Variants in RNF207 observed in about 807,000 individuals in gnomAD.
RNF207 encodes the protein OTTHUMG00000001089.
RNF207 carries 72 observed loss-of-function variants against 79.0 expected under a neutral mutation model. The observed-to-expected ratio is 0.91, with a 90% CI of 0.75 to 1.11. RNF207 has a LOEUF of 1.11. Ranked by LOEUF, RNF207 falls within the 50% of genes least tolerant of loss-of-function variation. The pLI is 0.00. For synonymous variants in RNF207, 348 were observed against 366.2 expected, an observed-to-expected ratio of 0.95 and a Z score of 0.57; for missense variants, 936 against 855.8, an observed-to-expected ratio of 1.09 and a Z score of -1.17.
In RNF207 at chr1:6,212,666, A is replaced by T. The variant is rs1463296704; in HGVS notation, c.1483-16A>T. 6.2e-7 allele frequency: 1 copy of T among 1,611,656 alleles called. No individual in the cohort carries two copies. Among genetic ancestry groups the T allele is most frequent in the East Asian group, 2.2e-5 (1 of 44,864 alleles). Reference sequence around the variant, plus strand: ...CAGCTCACTGCCACATCCAATGTCCAGCTTTTCTCTTTCAGATTTGGGAGG... The same window carrying T: ...CAGCTCACTGCCACATCCAATGTCCTGCTTTTCTCTTTCAGATTTGGGAGG... On this transcript the variant is annotated splice_polypyrimidine_tract_variant and intron_variant, in intron 14 of 17. Coordinates refer to ENST00000377939, the MANE Select transcript of RNF207 (RefSeq NM_207396.3).
Position 6,212,283 on chromosome 1 carries a change from G to C in RNF207, c.1349G>C (p.Arg450Pro). The change falls in exon 14 of 18, where the codon CGA (arginine) becomes CCA (proline). Residue 450 changes from arginine (R) to proline (P), a missense_variant. Transcript: ENST00000377939. ...AAGGACCAGGTACAGGAGCTGCACC[G>C]AGACCTCACCAAGCACCACTCGCTC... ...SLKDQVQELHRDLTKHHSLIK... is the reference protein window; with the variant it reads ...SLKDQVQELHPDLTKHHSLIK... The C allele has an allele frequency of 6.2e-7, 1 of 1,612,946 alleles. No homozygotes were observed. Among genetic ancestry groups the C allele is most frequent in the Non-Finnish European group, 8.5e-7 (1 of 1,179,632 alleles).
rs946774172 is a variant in RNF207, at chr1:6,217,882, T to TC, written c.1653-403dup. 6.6e-6 allele frequency among the ~76,000 whole-genome samples: 1 copy of TC among 152,062 alleles called. No homozygotes were observed. The highest frequency in any genetic ancestry group is 1.5e-5 in the Non-Finnish European group (1 of 68,016). On this transcript the variant is annotated intron_variant, in intron 16 of 17. Transcript: ENST00000377939. The surrounding 1 kb of genome is among the most constrained non-coding windows in gnomAD (Gnocchi z 4.2). The stretch of plus-strand genomic sequence containing the variant: ...ACCCTAGTCACAATGCCCTTTCAGT[T>TC]CCCCAAAAAAGCTAGACTGGTCCCA...
Position 6,219,417 on chromosome 1 carries a change from C to T in RNF207, c.*10C>T, listed in dbSNP as rs751362231. ...GGAACACCCGACTTAGCAAATGGGACCGGTCCCCAGGGTCAGGCTCTTAGA... is the reference window on the plus strand; with the variant it reads ...GGAACACCCGACTTAGCAAATGGGATCGGTCCCCAGGGTCAGGCTCTTAGA... On this transcript the variant is annotated 3_prime_UTR_variant, in exon 18 of 18. Coordinates refer to ENST00000377939, the MANE Select transcript of RNF207 (RefSeq NM_207396.3). 1.9e-6 allele frequency: 3 copies of T among 1,590,862 alleles called. No individual in the cohort carries two copies. The highest frequency in any genetic ancestry group is 2.2e-5 in the East Asian group (1 of 44,570).
chr1:6,209,884 C>T (rs1668085379), intron 7 of RNF207, 40 bp from the exon 8 acceptor site: 5 of 1,556,490 alleles, frequency 3.2e-6, no homozygotes, highest in Non-Finnish European at 4.3e-6. Flanking sequence ...GGTGGCAGGG[C>T]TGGGGCGCAA....
At chr1:6,216,499 C>G (rs1473881816) in intron 16 of RNF207, among the ~76,000 whole-genome samples, 2 of 152,164 alleles carry the variant, frequency 1.3e-5, no homozygotes, top group African/African-American at 4.8e-5. Context: ...AGCGAGCCCT[C>G]CCGTAGGTCC....
At chr1:6,218,397 G>A in intron 17 of RNF207, 28 bp downstream of exon 17, 1 of 1,523,594 alleles carries the variant, frequency 6.6e-7, no homozygotes, top group Non-Finnish European at 9.1e-7. Context: ...ACTGGAGAGT[G>A]TGCACGCGAT....
In RNF207 at chr1:6,219,282, C is replaced by T; in HGVS notation, c.1780C>T (p.Pro594Ser). ...VPEKREKTSEPKGNSWAPNGL... is the reference protein window; with the variant it reads ...VPEKREKTSESKGNSWAPNGL... ...GGAAAAGAGAGAGAAGACATCAGAG[C>T]CTAAAGGAAACAGCTGGGCTCCGAA... The change falls in exon 18 of 18, where the codon CCT becomes TCT. Residue 594 changes from proline to serine, a missense_variant. Coordinates refer to ENST00000377939, the MANE Select transcript of RNF207 (RefSeq NM_207396.3). 6.2e-7 allele frequency: 1 copy of T among 1,613,464 alleles called. No individual in the cohort carries two copies. Among genetic ancestry groups the T allele is most frequent in the South Asian group, 1.1e-5 (1 of 91,002 alleles).
chr1:6,214,630 CTTTTTT>C (rs144139448), intron 16 of RNF207, among the ~76,000 whole-genome samples: 17 of 70,662 alleles, frequency 2.4e-4, no homozygotes, highest in Middle Eastern at 9.4e-3. Context: ...ATATTTCTTT[CTTTTTT>C]TTTTTTTTTT....
rs1667911742 is a variant in RNF207 at position 6,206,594 on chromosome 1, T to C, written c.59T>C (p.Ile20Thr). The change falls in exon 2 of 18, where the codon ATC (isoleucine) becomes ACC (threonine). Residue 20 changes from isoleucine (I) to threonine (T), a missense_variant. By Grantham distance (89) the Ile-to-Thr change is moderately conservative. Coordinates refer to ENST00000377939, the MANE Select transcript of RNF207 (RefSeq NM_207396.3). Reference sequence around the variant, plus strand: ...CCGAGCTCCCTGGATGCCCCGAGCATCCACCCGCTGGTGTGCCCGCTGTGC... The same window carrying C: ...CCGAGCTCCCTGGATGCCCCGAGCACCCACCCGCTGGTGTGCCCGCTGTGC... ...EGPSSLDAPS[I>T]HPLVCPLCHV... The C allele has an allele frequency of 2.5e-6, 4 of 1,604,886 alleles. No homozygotes were observed. Among genetic ancestry groups the C allele is most frequent in the Non-Finnish European group, 3.4e-6 (4 of 1,179,616 alleles).
rs750060950 is a variant in RNF207 at position 6,207,746 on chromosome 1, G to A, written c.324+235G>A. On this transcript the variant is annotated intron_variant, in intron 3 of 17. Coordinates refer to ENST00000377939, the MANE Select transcript of RNF207 (RefSeq NM_207396.3). This position sits in a 1 kb window ranked among gnomAD's most constrained non-coding sequence, Gnocchi z 4.5. ...ACAGTGGCAGAGGCTAAGGCCATTC[G>A]ATCTGGGGAGAGCTCACTGGTCCCC... The A allele has an allele frequency of 1.0e-5, 7 of 684,588 alleles. No individual in the cohort carries two copies. Among genetic ancestry groups the A allele is most frequent in the Non-Finnish European group, 1.6e-5 (6 of 374,378 alleles). The allele number at this position is 684,588 out of a possible 1,614,324, so 42.4% of individuals were successfully genotyped here. A position where few individuals can be genotyped will look rare whatever the true frequency, so the allele number is the denominator to read the frequency against.
Position 6,219,489 on chromosome 1 carries a change from G to T in RNF207, c.*82G>T, listed in dbSNP as rs1249753408. 7 of 1,067,840 alleles carry T rather than the reference G, an allele frequency of 6.6e-6. No individual in the cohort carries two copies. The highest frequency in any genetic ancestry group is 2.6e-5 in the East Asian group (1 of 38,808). 66.1% of individuals were successfully genotyped at this position (1,067,840 alleles called of 1,614,324 possible). A position where few individuals can be genotyped will look rare whatever the true frequency, so the allele number is the denominator to read the frequency against. ...TGGACAGAAGGTTGTTCCCATGATG[G>T]TTTTTTTTATTTTTTATTTTTGAGA... On this transcript the variant is annotated 3_prime_UTR_variant, in exon 18 of 18. Transcript: ENST00000377939.
At chr1:6,214,413 T>TTG (rs1668287744) in intron 16 of RNF207, among the ~76,000 whole-genome samples, 1 of 152,008 alleles carries the variant, frequency 6.6e-6, no homozygotes, top group African/African-American at 2.4e-5. Context: ...TTTTTTTTTT[T>TTG]TCTTTTTGAG....
In RNF207 at chr1:6,207,805, G is replaced by A. The variant is rs1177782826; in HGVS notation, c.324+294G>A. On this transcript the variant is annotated intron_variant, in intron 3 of 17. Transcript: ENST00000377939. The surrounding 1 kb of genome is among the most constrained non-coding windows in gnomAD (Gnocchi z 4.5). Reference sequence around the variant, plus strand: ...GTGGAGTTGTGGACCTGCACAGGAGGGGCAGTCCAGTTTGCAGGCCTGGGC... The same window carrying A: ...GTGGAGTTGTGGACCTGCACAGGAGAGGCAGTCCAGTTTGCAGGCCTGGGC... The A allele has an allele frequency of 3.3e-6, 2 of 607,720 alleles. No individual in the cohort carries two copies. The highest frequency in any genetic ancestry group is 6.9e-5 in the East Asian group (2 of 29,130). 37.6% of individuals were successfully genotyped at this position (607,720 alleles called of 1,614,324 possible). A position where few individuals can be genotyped will look rare whatever the true frequency, so the allele number is the denominator to read the frequency against.
Position 6,211,721 on chromosome 1 carries a change from C to G in RNF207, c.1110-146C>G. On this transcript the variant is annotated intron_variant, in intron 12 of 17. Coordinates refer to ENST00000377939, the MANE Select transcript of RNF207 (RefSeq NM_207396.3). This position sits in a 1 kb window ranked among gnomAD's most constrained non-coding sequence, Gnocchi z 4.2. ...TGTCCGGGTGAGGCCTTGCCTCAGCCTTTTCAAATCTCCTGGTGGCTCTGC... is the reference window on the plus strand; with the variant it reads ...TGTCCGGGTGAGGCCTTGCCTCAGCGTTTTCAAATCTCCTGGTGGCTCTGC... 1 of 616,140 alleles carries G rather than the reference C, an allele frequency of 1.6e-6. No homozygotes were observed. Among genetic ancestry groups the G allele is most frequent in the Non-Finnish European group, 2.9e-6 (1 of 349,312 alleles). 38.2% of individuals were successfully genotyped at this position (616,140 alleles called of 1,614,324 possible).
chr1:6,214,830 T>G (rs1448488675), intron 16 of RNF207, among the ~76,000 whole-genome samples: 1 of 150,430 alleles, frequency 6.6e-6, no homozygotes, highest in Non-Finnish European at 1.5e-5. Context: ...GAGACGGGGG[T>G]TTCACCATGT....
intron 10 of RNF207, 120 bp from the exon 11 acceptor site, chr1:6,210,750 G>A: frequency 3.4e-6 from 3 of 880,756 alleles, no homozygotes; most frequent in Non-Finnish European, 5.4e-6. Context: ...AAGAGGGCTG[G>A]CGCTGCTAAG....
intron 10 of RNF207, 118 bp from the exon 11 acceptor site, chr1:6,210,751 CG>C: frequency 1.1e-6 from 1 of 889,370 alleles, no homozygotes; most frequent in Non-Finnish European, 1.8e-6. Flanking sequence ...AGAGGGCTGG[CG>C]CTGCTAAGGG....
In RNF207 at chr1:6,213,127, G is replaced by T. The variant is rs765125904; in HGVS notation, c.1596G>T (p.Lys532Asn). Residue 532 changes from lysine to asparagine, a missense_variant, in exon 16 of 18, where the codon AAG becomes AAT. Transcript: ENST00000377939. Reference protein sequence around the residue: ...QENAYLTTITKQITPYVRSIA... With the variant: ...QENAYLTTITNQITPYVRSIA... ...ATGCCTACCTGACCACCATCACCAA[G>T]CAGATCACGCCCTACGTCCGCTCCA... The T allele has an allele frequency of 1.2e-6, 2 of 1,613,508 alleles. No homozygotes were observed. Among genetic ancestry groups the T allele is most frequent in the Admixed American group, 3.3e-5 (2 of 59,984 alleles).
rs759536222 is a variant in RNF207, at chr1:6,207,419, G to A, written c.232G>A (p.Val78Met). 2 of 1,552,410 alleles carry A rather than the reference G, an allele frequency of 1.3e-6. No individual in the cohort carries two copies. Among genetic ancestry groups the A allele is most frequent in the Non-Finnish European group, 1.7e-6 (2 of 1,147,058 alleles). The part of the protein sequence containing the change: ...VLKGPSGLPP[V>M]DRLLQFLVDS... The stretch of plus-strand genomic sequence containing the variant: ...GAAGGGTCCCAGCGGGCTCCCGCCG[G>A]TGGACCGGCTGCTGCAGTTCCTGGT... Residue 78 changes from valine to methionine, a missense_variant, in exon 3 of 18, where the codon GTG becomes ATG. Coordinates refer to ENST00000377939, the MANE Select transcript of RNF207 (RefSeq NM_207396.3). This position sits in a 1 kb window ranked among gnomAD's most constrained non-coding sequence, Gnocchi z 4.5.
Sources: allele counts gnomAD v4.1 joint callset (sites outside exome capture counted in the v4.1 genomes callset), GRCh38; gene constraint gnomAD v4.1.1; non-coding constraint Gnocchi (gnomAD v3.1); transcripts MANE v1.5; gene names NCBI Gene and HGNC (gene_info 2026-07-23, HGNC 2026-07-21).